Variants in SPRED1 observed in about 807,000 individuals in gnomAD.
The protein encoded by SPRED1 is sprouty-related, EVH1 domain-containing protein 1.
A neutral mutation model predicts 52.3 loss-of-function variants in SPRED1; 18 were observed. The ratio of observed to expected loss-of-function variants is 0.34; its 90% CI spans 0.24 to 0.51. The LOEUF is 0.51. SPRED1 is among the 20% of genes least tolerant of loss of function. The pLI, the probability that SPRED1 is intolerant of heterozygous loss-of-function variation, is 0.97. For synonymous variants in SPRED1, 155 were observed against 179.7 expected (o/e 0.86, Z 1.10); for missense variants, 485 against 551.0 (o/e 0.88, Z 1.20).
intron 1 of SPRED1, among the ~76,000 whole-genome samples, chr15:38,296,845 C>T (rs890709275): frequency 1.3e-5 from 2 of 152,110 alleles, no homozygotes; most frequent in African/African-American, 2.4e-5. Flanking sequence ...TTAGGAGGTG[C>T]GGCCTTTTGG....
rs148329759 is a variant in SPRED1 at position 38,334,411 on chromosome 15, G to A, written c.424-5326G>A. Among the ~76,000 whole-genome samples, 228 of 151,988 alleles carry A rather than the reference G, an allele frequency of 1.5e-3. 2 individuals carry two copies. The highest frequency in any genetic ancestry group is 6.2e-3 in the South Asian group (30 of 4,820). On this transcript the variant is annotated intron_variant, in intron 4 of 6. Transcript: ENST00000299084. ...CTTAAGTTGGGTGACAAATGTACAC[G>A]TTCTATTATTCTTTGTATGATTATG...
intron 4 of SPRED1, among the ~76,000 whole-genome samples, chr15:38,333,241 C>A (rs1019560730): frequency 6.6e-6 from 1 of 152,086 alleles, no homozygotes; most frequent in Non-Finnish European, 1.5e-5. Context: ...TCAACAAAGA[C>A]TTTTTGATGA....
chr15:38,330,261 C>G (rs991562509), intron 4 of SPRED1, among the ~76,000 whole-genome samples: 4 of 152,258 alleles, frequency 2.6e-5, no homozygotes. Flanking sequence ...TTGTGTCTTG[C>G]TGCATTTTTT....
In SPRED1 at chr15:38,319,961, A is replaced by G. The variant is rs1363559398; in HGVS notation, c.208-2280A>G. Among the ~76,000 whole-genome samples, 4 of 152,314 alleles carry G rather than the reference A, an allele frequency of 2.6e-5. No individual in the cohort carries two copies. The East Asian group carries it at 7.7e-4, about 29-fold the overall frequency. ...TCAACATGCCATCATTGCATATAGC[A>G]TTGGGAAGAAATGAGCAGCAGTGTG... is the stretch of plus-strand genomic sequence containing the variant. On this transcript the variant is annotated intron_variant, in intron 2 of 6. Transcript: ENST00000299084.
intron 2 of SPRED1, among the ~76,000 whole-genome samples, chr15:38,307,047 T>A (rs1418771270): frequency 6.6e-6 from 1 of 152,202 alleles, no homozygotes; most frequent in Non-Finnish European, 1.5e-5. Context: ...ATCTTCCAAT[T>A]GCCATTAAAC....
In SPRED1 at chr15:38,299,383, G is replaced by A. The variant is rs753924528; in HGVS notation, c.43G>A (p.Ala15Thr). 3.1e-6 allele frequency: 5 copies of A among 1,613,808 alleles called. No individual in the cohort carries two copies. Among genetic ancestry groups the A allele is most frequent in the Non-Finnish European group, 3.4e-6 (4 of 1,179,834 alleles). The stretch of plus-strand genomic sequence containing the variant: ...TTGCATCTATTTTAGTAATAGTTAT[G>A]CACGAGTGCGAGCTGTGGTGATGAC... ...TATSDNDNSYARVRAVVMTRD... is the reference protein window; with the variant it reads ...TATSDNDNSYTRVRAVVMTRD... The change falls in exon 2 of 7, where the codon GCA (alanine) becomes ACA (threonine). Residue 15 changes from alanine to threonine, a missense_variant. Ala to Thr is a moderately conservative substitution (Grantham distance 58, BLOSUM62 0). Transcript: ENST00000299084.
At chr15:38,296,600 A>G (rs1207466190) in intron 1 of SPRED1, among the ~76,000 whole-genome samples, 1 of 152,208 alleles carries the variant, frequency 6.6e-6, no homozygotes, top group East Asian at 1.9e-4. Context: ...TAAGAATTTT[A>G]GATGATTTGG....
At chr15:38,311,164 G>A (rs951745428) in intron 2 of SPRED1, among the ~76,000 whole-genome samples, 1 of 152,104 alleles carries the variant, frequency 6.6e-6, no homozygotes, top group African/African-American at 2.4e-5. Flanking sequence ...AGATATTGGA[G>A]TATGTTAAAT....
At chr15:38,308,489 TCAC>T (rs1378819241) in intron 2 of SPRED1, among the ~76,000 whole-genome samples, 7 of 152,248 alleles carry the variant, frequency 4.6e-5, no homozygotes, top group Admixed American at 2.6e-4. Context: ...GTTGATTTTA[TCAC>T]CACATCTATT....
At chr15:38,255,106 A>AT (rs914005049) in intron 1 of SPRED1, among the ~76,000 whole-genome samples, 6 of 152,102 alleles carry the variant, frequency 3.9e-5, no homozygotes, top group Non-Finnish European at 5.9e-5. Context: ...CTAAATGGCC[A>AT]TTTTTTTAAA....
intron 1 of SPRED1, among the ~76,000 whole-genome samples, chr15:38,277,620 C>T (rs946143410): frequency 3.9e-5 from 6 of 152,126 alleles, no homozygotes; most frequent in African/African-American, 1.2e-4. Flanking sequence ...ATTTATATTC[C>T]GTTGGGTACT....
At chr15:38,277,555 A>G (rs1566852284) in intron 1 of SPRED1, among the ~76,000 whole-genome samples, 2 of 152,030 alleles carry the variant, frequency 1.3e-5, no homozygotes, top group African/African-American at 4.8e-5. Context: ...TGTCTTTTCT[A>G]TTGTGAATAA....
intron 4 of SPRED1, among the ~76,000 whole-genome samples, chr15:38,333,707 TG>T (rs770423488): frequency 9.2e-5 from 14 of 152,168 alleles, no homozygotes; most frequent in Non-Finnish European, 1.6e-4. Context: ...TTATGAGAAC[TG>T]GAACATATGT....
At chr15:38,309,152 A>G (rs1895311232) in intron 2 of SPRED1, among the ~76,000 whole-genome samples, 1 of 151,428 alleles carries the variant, frequency 6.6e-6, no homozygotes, top group Non-Finnish European at 1.5e-5. Flanking sequence ...TTCTTATTGG[A>G]TTGTTTGAGG....
At chr15:38,302,514 C>G (rs1895166589) in intron 2 of SPRED1, among the ~76,000 whole-genome samples, 1 of 152,078 alleles carries the variant, frequency 6.6e-6, no homozygotes, top group East Asian at 1.9e-4. Context: ...TACTCATTCA[C>G]TCATTCAGTG....
chr15:38,279,561 T>C (rs1321988784), intron 1 of SPRED1, among the ~76,000 whole-genome samples: 1 of 152,232 alleles, frequency 6.6e-6, no homozygotes, highest in African/African-American at 2.4e-5. Flanking sequence ...ATTGGTACTT[T>C]TGAGTTGCTT....
At chr15:38,287,544 T>G (rs1452778015) in intron 1 of SPRED1, among the ~76,000 whole-genome samples, 2 of 152,180 alleles carry the variant, frequency 1.3e-5, no homozygotes, top group Non-Finnish European at 2.9e-5. Flanking sequence ...TCTTGTAGAC[T>G]ATCATTTTCT....
intron 1 of SPRED1, among the ~76,000 whole-genome samples, chr15:38,260,466 G>A (rs1413474007): frequency 1.3e-5 from 2 of 152,096 alleles, no homozygotes; most frequent in African/African-American, 4.8e-5. Flanking sequence ...TATTTTGGGG[G>A]AGACACAGTT....
chr15:38,326,560 G>A (rs574947261), intron 4 of SPRED1, among the ~76,000 whole-genome samples: 5 of 152,290 alleles, frequency 3.3e-5, no homozygotes, highest in East Asian at 3.9e-4. Context: ...AGAAACTTTC[G>A]ATTGAAGTAG....
Sources: gnomAD v4.1 joint callset for allele counts (sites outside exome capture counted in the v4.1 genomes callset) on GRCh38, gnomAD v4.1.1 for gene constraint, MANE v1.5 for transcripts, NCBI Gene and HGNC (gene_info 2026-07-23, HGNC 2026-07-21) for gene names.